SLC25A21: variants seen among roughly 807,000 people sequenced by gnomAD.
The protein encoded by SLC25A21 is solute carrier family 25 member 21, also known as mitochondrial 2-oxodicarboxylate carrier.
A neutral mutation model predicts 43.8 loss-of-function variants in SLC25A21; 47 were observed. The ratio of observed to expected loss-of-function variants is 1.07; its 90% CI spans 0.85 to 1.37. SLC25A21 has a LOEUF of 1.37. Among genes scored for constraint, SLC25A21 ranks in the 40% most tolerant of loss-of-function variants. SLC25A21 has a pLI of 0.00. For synonymous variants in SLC25A21, 131 were observed against 121.3 expected, an observed-to-expected ratio of 1.08 and a Z score of -0.52; for missense variants, 352 against 350.2, an observed-to-expected ratio of 1.00 and a Z score of -0.04.
Position 36,864,398 on chromosome 14 carries a change from T to C in SLC25A21, c.119+10558A>G, listed in dbSNP as rs563207517. Among the ~76,000 whole-genome samples, 26 of 152,358 alleles carry C rather than the reference T, an allele frequency of 1.7e-4. No individual in the cohort carries two copies. In the South Asian group the frequency reaches 5.2e-3, roughly 30 times the overall value. ...CAAATATGTTACCCATCTTGTGCCC[T>C]GTTTTTATTTGATTATGTTATTAAA... On this transcript the variant is annotated intron_variant, in intron 2 of 9. Coordinates refer to ENST00000331299, the MANE Select transcript of SLC25A21 (RefSeq NM_030631.4).
intron 1 of SLC25A21, among the ~76,000 whole-genome samples, chr14:37,085,576 C>G (rs1470489605): frequency 1.3e-5 from 2 of 152,124 alleles, no homozygotes; most frequent in Non-Finnish European, 2.9e-5. Context: ...CTGCTAGAAA[C>G]TTCAAAGATG....
chr14:37,148,826 GAAAAGTA>G (rs1963711757), intron 1 of SLC25A21, among the ~76,000 whole-genome samples: 2 of 152,136 alleles, frequency 1.3e-5, no homozygotes, highest in African/African-American at 4.8e-5. Flanking sequence ...AAAAATCAAG[GAAAAGTA>G]AAATAGATGC....
intron 1 of SLC25A21, among the ~76,000 whole-genome samples, chr14:37,015,228 TC>T (rs1382574259): frequency 8.0e-6 from 1 of 124,866 alleles, no homozygotes; most frequent in East Asian, 2.8e-4. Flanking sequence ...AGTGTGATGT[TC>T]CCCTTCCTGT....
intron 2 of SLC25A21, among the ~76,000 whole-genome samples, chr14:36,842,710 A>G (rs1301198959): frequency 6.6e-6 from 1 of 152,212 alleles, no homozygotes; most frequent in African/African-American, 2.4e-5. Flanking sequence ...AGCAGGAAAA[A>G]GAGAGAGTAG....
At chr14:37,011,779 A>AT (rs1188626427) in intron 1 of SLC25A21, among the ~76,000 whole-genome samples, 5 of 152,096 alleles carry the variant, frequency 3.3e-5, no homozygotes, top group Non-Finnish European at 5.9e-5. Context: ...TCTTTTTTCA[A>AT]TTTTTGCTGA....
At chr14:36,711,562 C>G (rs1261846447) in intron 6 of SLC25A21, 80 bp from the exon 7 acceptor site, 2 of 1,456,212 alleles carry the variant, frequency 1.4e-6, no homozygotes, top group East Asian at 4.7e-5. Context: ...AACTTCCCTT[C>G]AAGCCAGAAT....
At chr14:36,693,624 GT>G (rs565674488) in intron 7 of SLC25A21, among the ~76,000 whole-genome samples, 1 of 152,006 alleles carries the variant, frequency 6.6e-6, no homozygotes, top group African/African-American at 2.4e-5. Flanking sequence ...CACATATCTA[GT>G]TTTTTATTTT....
rs141323515 is a variant in SLC25A21, at chr14:37,170,181, G to A, written c.70+2100C>T. On this transcript the variant is annotated intron_variant, in intron 1 of 9. Coordinates refer to ENST00000331299, the MANE Select transcript of SLC25A21 (RefSeq NM_030631.4). ...CTCCCAAGTAGCTGGGACTGTAGCCGGACACCACCAAGCCCAGCTGATTTT... is the reference window on the plus strand; with the variant it reads ...CTCCCAAGTAGCTGGGACTGTAGCCAGACACCACCAAGCCCAGCTGATTTT... Among the ~76,000 whole-genome samples, 18 of 151,444 alleles carry A rather than the reference G, an allele frequency of 1.2e-4. No homozygotes were observed. In the East Asian group the frequency reaches 1.9e-3, roughly 16 times the overall value.
chr14:36,782,386 G>A (rs1428127747), intron 3 of SLC25A21, among the ~76,000 whole-genome samples: 2 of 152,020 alleles, frequency 1.3e-5, no homozygotes, highest in Admixed American at 1.3e-4. Context: ...TCTTGATGGT[G>A]CCCCATAAAT....
chr14:37,040,233 AGG>A (rs1433982625), intron 1 of SLC25A21, among the ~76,000 whole-genome samples: 1 of 17,564 alleles, frequency 5.7e-5, no homozygotes, highest in South Asian at 2.7e-3. Context: ...AGAAAAAGAA[AGG>A]GAGGAAGGGA....
At chr14:36,929,860 G>C (rs554315680) in intron 1 of SLC25A21, among the ~76,000 whole-genome samples, 71 of 152,272 alleles carry the variant, frequency 4.7e-4, no homozygotes, top group African/African-American at 1.7e-3. Context: ...GGTGGTGACT[G>C]TTTTGATGAA....
chr14:36,701,031 T>G (rs1383545462), intron 7 of SLC25A21, among the ~76,000 whole-genome samples: 3 of 152,178 alleles, frequency 2.0e-5, no homozygotes, highest in African/African-American at 7.2e-5. Context: ...TAGCTATTGT[T>G]AGTTCTAATA....
intron 1 of SLC25A21, among the ~76,000 whole-genome samples, chr14:36,979,211 G>T (rs1959954189): frequency 6.6e-6 from 1 of 152,126 alleles, no homozygotes; most frequent in African/African-American, 2.4e-5. Flanking sequence ...TAGAAAATGG[G>T]GTCTTTGCCT....
chr14:36,895,233 A>G (rs1232847673), intron 1 of SLC25A21, among the ~76,000 whole-genome samples: 2 of 152,204 alleles, frequency 1.3e-5, no homozygotes, highest in East Asian at 3.8e-4. Context: ...TTATTGGTCT[A>G]TTCGGAGATT....
intron 1 of SLC25A21, among the ~76,000 whole-genome samples, chr14:36,929,436 C>A (rs1892225878): frequency 1.3e-5 from 2 of 151,998 alleles, no homozygotes; most frequent in South Asian, 2.1e-4. Context: ...ACTGGCTATC[C>A]CTGACTTGGA....
At chr14:37,020,573 T>C (rs919303297) in intron 1 of SLC25A21, among the ~76,000 whole-genome samples, 3 of 151,952 alleles carry the variant, frequency 2.0e-5, no homozygotes, top group Admixed American at 1.3e-4. Flanking sequence ...CTATGTAAAA[T>C]TGATTTTTTT....
intron 7 of SLC25A21, among the ~76,000 whole-genome samples, chr14:36,686,089 T>A (rs1441281326): frequency 1.3e-5 from 2 of 152,134 alleles, no homozygotes; most frequent in Non-Finnish European, 2.9e-5. Context: ...GGTCTAAGCA[T>A]TACATGCTTC....
intron 1 of SLC25A21, among the ~76,000 whole-genome samples, chr14:37,090,884 G>A (rs1193242330): frequency 1.3e-5 from 2 of 152,158 alleles, no homozygotes; most frequent in Non-Finnish European, 2.9e-5. Flanking sequence ...GGTGGAAACT[G>A]CATTAGCCAC....
chr14:36,931,397 G>A (rs919110458), intron 1 of SLC25A21, among the ~76,000 whole-genome samples: 4 of 152,124 alleles, frequency 2.6e-5, no homozygotes, highest in African/African-American at 9.7e-5. Flanking sequence ...CTAGCAGAAG[G>A]AGAAGTCTTT....
Sources: gnomAD v4.1 joint callset for allele counts (sites outside exome capture counted in the v4.1 genomes callset) on GRCh38, gnomAD v4.1.1 for gene constraint, MANE v1.5 for transcripts, NCBI Gene and HGNC (gene_info 2026-07-23, HGNC 2026-07-21) for gene names.